Variants in SETD2 observed in about 807,000 individuals in gnomAD.
SETD2 encodes histone-lysine N-methyltransferase SETD2.
A neutral mutation model predicts 242.1 loss-of-function variants in SETD2; 31 were observed. That is an observed-to-expected ratio of 0.13 (90% CI 0.10 to 0.17). The LOEUF (loss-of-function observed/expected upper bound fraction) is 0.17. Ranked by LOEUF, SETD2 falls within the 10% of genes least tolerant of loss-of-function variation. The probability of loss-of-function intolerance (pLI) is 1.00; values close to 1 mark genes in which losing one functional copy is unlikely to be tolerated. For missense variants in SETD2, 2,481 were observed against 3,046.3 expected (o/e 0.81, Z 4.37); for synonymous variants, 1,006 against 1,066.5 (o/e 0.94, Z 1.11).
At chr3:47,063,755 C>T (rs147862582) in intron 13 of SETD2, among the ~76,000 whole-genome samples, 39 of 152,106 alleles carry the variant, frequency 2.6e-4, no homozygotes, top group African/African-American at 8.7e-4. Flanking sequence ...GAGGCCAAGG[C>T]GGGCAGATTA....
At position 47,101,597 on chromosome 3, in the gene SETD2, A is replaced by AGT. The variant is rs61571386; in HGVS notation, c.4918-44_4918-43dup. ...AAACAAAAGAAATTAGTAACTTATT[A>AGT]GTGTGTGTGTGTGTGTGTGTGTGTG... On this transcript the variant is annotated intron_variant, in intron 7 of 20. Transcript: ENST00000409792. The AGT allele has an allele frequency of 0.15, 108,822 of 730,956 alleles. 5,316 individuals are homozygous for AGT. The highest frequency in any genetic ancestry group is 0.27 in the African/African-American group (14,310 of 52,252). 45.3% of individuals were successfully genotyped at this position (730,956 alleles called of 1,614,324 possible).
At chr3:47,130,443 C>G (rs191032490) in intron 1 of SETD2, among the ~76,000 whole-genome samples, 2 of 151,996 alleles carry the variant, frequency 1.3e-5, no homozygotes, top group Non-Finnish European at 2.9e-5. Context: ...GACCTAGGTA[C>G]GGCCAGGAAG....
chr3:47,056,074 A>G (rs528721509), intron 15 of SETD2, among the ~76,000 whole-genome samples: 10 of 116,780 alleles, frequency 8.6e-5, no homozygotes, highest in African/African-American at 2.2e-4. Flanking sequence ...AAAAAAAAAA[A>G]AAAGAAAAGA....
At chr3:47,089,981 C>T (rs1446535045) in intron 9 of SETD2, among the ~76,000 whole-genome samples, 1 of 152,166 alleles carries the variant, frequency 6.6e-6, no homozygotes, top group African/African-American at 2.4e-5. Flanking sequence ...GATGCAGTGG[C>T]TCATGTCTAC....
intron 18 of SETD2, among the ~76,000 whole-genome samples, chr3:47,024,949 G>A (rs898645068): frequency 6.6e-6 from 1 of 152,194 alleles, no homozygotes; most frequent in Non-Finnish European, 1.5e-5. Context: ...ATGGAAAAGA[G>A]AAAAGGAACA....
intron 12 of SETD2, among the ~76,000 whole-genome samples, chr3:47,069,301 C>T (rs979367672): frequency 1.3e-5 from 2 of 152,074 alleles, no homozygotes; most frequent in African/African-American, 4.8e-5. Context: ...AGAAGGAGTA[C>T]CATTCTGAGA....
intron 1 of SETD2, among the ~76,000 whole-genome samples, chr3:47,139,726 C>T (rs558102369): frequency 1.3e-5 from 2 of 151,968 alleles, no homozygotes; most frequent in African/African-American, 2.4e-5. Context: ...CACGTGAAGA[C>T]AAGTGAATTA....
intron 6 of SETD2, among the ~76,000 whole-genome samples, chr3:47,105,410 T>TA (rs11391574): frequency 0.6 from 72,996 of 122,472 alleles, 21,662 homozygotes; most frequent in African/African-American, 0.7. Flanking sequence ...ACACTATCTC[T>TA]AAAAAAAAAA....
At chr3:47,072,681 C>G (rs1484581492) in intron 12 of SETD2, among the ~76,000 whole-genome samples, 1 of 152,042 alleles carries the variant, frequency 6.6e-6, no homozygotes, top group Non-Finnish European at 1.5e-5. Flanking sequence ...CACGGTGACT[C>G]AAGCCTGTAA....
intron 8 of SETD2, among the ~76,000 whole-genome samples, chr3:47,098,848 T>C (rs1021093411): frequency 1.3e-5 from 2 of 152,066 alleles, no homozygotes; most frequent in Non-Finnish European, 2.9e-5. Context: ...CTGGTGGACT[T>C]AGGATATGAT....
intron 14 of SETD2, among the ~76,000 whole-genome samples, chr3:47,060,536 G>A (rs2040286917): frequency 1.3e-5 from 2 of 152,120 alleles, no homozygotes; most frequent in African/African-American, 4.8e-5. Context: ...GCAGACAAGT[G>A]AAAAGGATGG....
chr3:47,056,726 T>C (rs1203545976), intron 15 of SETD2, 95 bp downstream of exon 15: 15 of 899,834 alleles, frequency 1.7e-5, no homozygotes, highest in Non-Finnish European at 2.4e-5. Context: ...TATATACAAG[T>C]AGTCCATGGT....
intron 12 of SETD2, among the ~76,000 whole-genome samples, chr3:47,071,587 C>G (rs1423515587): frequency 6.6e-6 from 1 of 151,644 alleles, no homozygotes; most frequent in Admixed American, 6.6e-5. Context: ...ATTCAGGAAA[C>G]AGGCTAAAGC....
chr3:47,049,867 T>C lies in SETD2; in HGVS notation c.6964-3246A>G, dbSNP rs182334394. Among the ~76,000 whole-genome samples the C allele has an allele frequency of 6.5e-3, 944 of 144,244 alleles. 11 individuals carry two copies. The highest frequency in any genetic ancestry group is 0.011 in the Non-Finnish European group (699 of 66,342). 94.6% of individuals were successfully genotyped at this position (144,244 alleles called of 152,430 possible). A position where few individuals can be genotyped will look rare whatever the true frequency, so the allele number is the denominator to read the frequency against. On this transcript the variant is annotated intron_variant, in intron 15 of 20. Transcript: ENST00000409792. ...TTATATTATATATAATATATAAATTTATTCTGAGTTTATAGTATATATTAT... is the reference window on the plus strand; with the variant it reads ...TTATATTATATATAATATATAAATTCATTCTGAGTTTATAGTATATATTAT...
At chr3:47,092,504 ATATAT>A (rs1315997294) in intron 9 of SETD2, among the ~76,000 whole-genome samples, 1 of 148,872 alleles carries the variant, frequency 6.7e-6, no homozygotes, top group Non-Finnish European at 1.5e-5. Flanking sequence ...GAAAATTTAT[ATATAT>A]TAAATATATA....
intron 12 of SETD2, among the ~76,000 whole-genome samples, chr3:47,076,673 T>C (rs773523402): frequency 5.3e-5 from 8 of 152,238 alleles, no homozygotes; most frequent in Non-Finnish European, 1.0e-4. Flanking sequence ...TACAGTTGTA[T>C]AGAAGTACAG....
chr3:47,117,261 C>CAAAA (rs5848820), intron 3 of SETD2, among the ~76,000 whole-genome samples: 103 of 66,096 alleles, frequency 1.6e-3, no homozygotes, highest in Non-Finnish European at 2.5e-3. Context: ...CCTGCATTAC[C>CAAAA]AAAAAAAAAA....
At chr3:47,147,129 G>C (rs1253418068) in intron 1 of SETD2, among the ~76,000 whole-genome samples, 2 of 151,972 alleles carry the variant, frequency 1.3e-5, no homozygotes, top group Middle Eastern at 3.2e-3. Flanking sequence ...TCCTGCCTCA[G>C]CCTCCCAAGT....
chr3:47,114,291 G>A (rs1311901821), intron 4 of SETD2, among the ~76,000 whole-genome samples: 2 of 152,096 alleles, frequency 1.3e-5, no homozygotes, highest in Non-Finnish European at 2.9e-5. Flanking sequence ...TACATTTTCA[G>A]GCTGCATGTA....
Sources: allele counts gnomAD v4.1 joint callset (sites outside exome capture counted in the v4.1 genomes callset), GRCh38; gene constraint gnomAD v4.1.1; transcripts MANE v1.5; gene names NCBI Gene and HGNC (gene_info 2026-07-23, HGNC 2026-07-21).